ANKIB1: variants seen among roughly 807,000 people sequenced by gnomAD.
ANKIB1 encodes ankyrin repeat and IBR domain-containing protein 1.
A neutral mutation model predicts 122.1 loss-of-function variants in ANKIB1; 43 were observed. The ratio of observed to expected loss-of-function variants is 0.35; its 90% confidence interval spans 0.28 to 0.45. The LOEUF (loss-of-function observed/expected upper bound fraction) is 0.45, where lower values mean the gene tolerates loss of function less well. Among genes scored for constraint, ANKIB1 ranks in the 20% least tolerant of loss-of-function variants. The probability of loss-of-function intolerance (pLI) is 1.00; values close to 1 mark genes in which losing one functional copy is unlikely to be tolerated. For missense variants in ANKIB1, 992 were observed against 1,329.5 expected, an observed-to-expected ratio of 0.75 and a Z score of 3.95; for synonymous variants, 390 against 442.0, an observed-to-expected ratio of 0.88 and a Z score of 1.48.
chr7:92,394,439 AT>A (rs1425986375), intron 17 of ANKIB1, among the ~76,000 whole-genome samples: 4 of 152,230 alleles, frequency 2.6e-5, no homozygotes, highest in Non-Finnish European at 4.4e-5. Flanking sequence ...TCATGAGAGA[AT>A]GCCATCTGAG....
At chr7:92,376,326 A>C (rs1403051380) in intron 11 of ANKIB1, among the ~76,000 whole-genome samples, 2 of 152,232 alleles carry the variant, frequency 1.3e-5, no homozygotes, top group Non-Finnish European at 2.9e-5. Context: ...AGTTTCATCT[A>C]CATTGGAAAT....
intron 1 of ANKIB1, among the ~76,000 whole-genome samples, chr7:92,265,753 T>G (rs537787988): frequency 4.1e-4 from 62 of 152,350 alleles, no homozygotes; most frequent in African/African-American, 1.4e-3. Context: ...TTTTCTGTTA[T>G]TGGCCTGAGG....
At chr7:92,365,848 G>A (rs1306575611) in intron 10 of ANKIB1, among the ~76,000 whole-genome samples, 1 of 138,544 alleles carries the variant, frequency 7.2e-6, no homozygotes, top group Non-Finnish European at 1.5e-5. Flanking sequence ...CCGGGCTGGA[G>A]TGCAGTGGTG....
intron 5 of ANKIB1, among the ~76,000 whole-genome samples, chr7:92,336,102 C>G (rs1803281719): frequency 1.3e-5 from 2 of 151,980 alleles, no homozygotes; most frequent in Non-Finnish European, 2.9e-5. Context: ...AGTACATAAT[C>G]ATAAATATCA....
chr7:92,342,640 C>T (rs1167222278), intron 5 of ANKIB1, among the ~76,000 whole-genome samples: 1 of 152,032 alleles, frequency 6.6e-6, no homozygotes, highest in African/African-American at 2.4e-5. Context: ...AACTTGATGC[C>T]AGTGAGGACA....
intron 2 of ANKIB1, among the ~76,000 whole-genome samples, chr7:92,304,415 T>G (rs1802515092): frequency 6.6e-6 from 1 of 152,232 alleles, no homozygotes; most frequent in Admixed American, 6.5e-5. Flanking sequence ...CTCTCTCTTC[T>G]CTATATGGGG....
rs1268487303 is a variant in ANKIB1, at chr7:92,352,624, A to G, written c.1379A>G (p.Lys460Arg). The G allele has an allele frequency of 6.2e-7, 1 of 1,610,552 alleles. No homozygotes were observed. Among genetic ancestry groups the G allele is most frequent in the South Asian group, 1.1e-5 (1 of 90,144 alleles). Residue 460 changes from lysine to arginine, a missense_variant, in exon 9 of 20, where the codon AAA becomes AGA. Physicochemically the swap from Lys to Arg is conservative, Grantham distance 26. Coordinates refer to ENST00000265742, the MANE Select transcript of ANKIB1 (RefSeq NM_019004.2). ...AGAGCTCCTGCTGTTGATTGTGGAAAAGGACACCTCTTCTGCTGGTTAGTA... is the reference window on the plus strand; with the variant it reads ...AGAGCTCCTGCTGTTGATTGTGGAAGAGGACACCTCTTCTGCTGGTTAGTA... Reference protein sequence around the residue: ...LLRAPAVDCGKGHLFCWECLG... With the variant: ...LLRAPAVDCGRGHLFCWECLG...
At position 92,343,006 on chromosome 7, in the gene ANKIB1, A is replaced by G. The variant is rs764411428; in HGVS notation, c.788-18A>G. On this transcript the variant is annotated intron_variant, in intron 5 of 19. Coordinates refer to ENST00000265742, the MANE Select transcript of ANKIB1 (RefSeq NM_019004.2). The stretch of plus-strand genomic sequence containing the variant: ...ATATTTTCTTTTTTGAGAGCTATCC[A>G]TTCCATTTTTCTTTAAGACTGGGAC... 1.2e-6 allele frequency: 2 copies of G among 1,607,726 alleles called. No individual in the cohort carries two copies. Among genetic ancestry groups the G allele is most frequent in the South Asian group, 1.1e-5 (1 of 90,952 alleles).
At chr7:92,331,901 A>G (rs1217491776) in intron 5 of ANKIB1, among the ~76,000 whole-genome samples, 2 of 149,174 alleles carry the variant, frequency 1.3e-5, no homozygotes, top group African/African-American at 5.0e-5. Flanking sequence ...CTTAAGCTAT[A>G]GTATCATATA....
chr7:92,329,060 C>T (rs1188826037), intron 5 of ANKIB1, among the ~76,000 whole-genome samples: 1 of 151,090 alleles, frequency 6.6e-6, no homozygotes, highest in African/African-American at 2.4e-5. Context: ...CTCTGCCTTC[C>T]AGGTTCAAGC....
intron 3 of ANKIB1, among the ~76,000 whole-genome samples, chr7:92,318,102 CAAT>C (rs1286650784): frequency 6.6e-6 from 1 of 152,062 alleles, no homozygotes; most frequent in African/African-American, 2.4e-5. Flanking sequence ...TTCTGAGATA[CAAT>C]AATACCCCTG....
At chr7:92,358,096 G>A (rs1364814639) in intron 9 of ANKIB1, among the ~76,000 whole-genome samples, 1 of 152,084 alleles carries the variant, frequency 6.6e-6, no homozygotes, top group Non-Finnish European at 1.5e-5. Flanking sequence ...CAAAAAATTA[G>A]CTGGGCATGG....
intron 2 of ANKIB1, among the ~76,000 whole-genome samples, chr7:92,306,897 T>C (rs1246651556): frequency 2.0e-5 from 3 of 152,190 alleles, no homozygotes; most frequent in East Asian, 1.9e-4. Context: ...GCCACTAATA[T>C]AGTAGTTGTT....
intron 7 of ANKIB1, among the ~76,000 whole-genome samples, chr7:92,347,245 A>AACAC (rs1234006013): frequency 6.6e-6 from 1 of 152,186 alleles, no homozygotes; most frequent in Non-Finnish European, 1.5e-5. Context: ...GGCCCAACAC[A>AACAC]AATTCATAAA....
chr7:92,373,727 A>T (rs1470455373), intron 11 of ANKIB1, among the ~76,000 whole-genome samples: 2 of 152,218 alleles, frequency 1.3e-5, no homozygotes, highest in African/African-American at 2.4e-5. Flanking sequence ...GGTAAATCGT[A>T]ACATACCTTT....
chr7:92,258,423 A>AG (rs1047973467), intron 1 of ANKIB1, among the ~76,000 whole-genome samples: 44 of 151,990 alleles, frequency 2.9e-4, no homozygotes, highest in African/African-American at 9.9e-4. Context: ...GCTGGGCCTC[A>AG]CCCCCCCAAA....
Position 92,357,355 on chromosome 7 carries a change from G to C in ANKIB1, c.1397+4713G>C, listed in dbSNP as rs558695475. On this transcript the variant is annotated intron_variant, in intron 9 of 19. Transcript: ENST00000265742. ...CTGAGATTCCCCTCCCCATACTCTTGTTTTACTGACATTTTGAGATGCAGT... is the reference window on the plus strand; with the variant it reads ...CTGAGATTCCCCTCCCCATACTCTTCTTTTACTGACATTTTGAGATGCAGT... Among the ~76,000 whole-genome samples the C allele has an allele frequency of 1.2e-4, 18 of 152,036 alleles. No homozygotes were observed. In the South Asian group the frequency reaches 2.7e-3, roughly 23 times the overall value.
intron 5 of ANKIB1, among the ~76,000 whole-genome samples, chr7:92,341,633 A>G (rs941492923): frequency 3.3e-5 from 5 of 152,244 alleles, no homozygotes; most frequent in African/African-American, 1.2e-4. Flanking sequence ...GAGATTTTCC[A>G]GTTGATTAAG....
intron 1 of ANKIB1, among the ~76,000 whole-genome samples, chr7:92,287,744 GA>G (rs1166567876): frequency 1.3e-5 from 2 of 149,690 alleles, no homozygotes; most frequent in African/African-American, 2.5e-5. Context: ...AATATAAAAG[GA>G]AAAAAAAAGG....
Sources: gnomAD v4.1 joint callset for allele counts (sites outside exome capture counted in the v4.1 genomes callset) on GRCh38, gnomAD v4.1.1 for gene constraint, MANE v1.5 for transcripts, NCBI Gene and HGNC (gene_info 2026-07-23, HGNC 2026-07-21) for gene names.